Variants in ADAMTSL3 observed in about 807,000 individuals in gnomAD.
ADAMTSL3 encodes the protein ADAMTS-like protein 3.
A neutral mutation model predicts 201.7 loss-of-function variants in ADAMTSL3; 128 were observed. The ratio of observed to expected loss-of-function variants is 0.63; its 90% CI spans 0.55 to 0.73. The LOEUF is 0.73. Ranked by LOEUF, ADAMTSL3 falls within the 30% of genes least tolerant of loss-of-function variation. The pLI is 0.00. For synonymous variants in ADAMTSL3, 738 were observed against 748.4 expected (o/e 0.99, Z 0.23); for missense variants, 1,990 against 2,119.6 (o/e 0.94, Z 1.20).
chr15:83,799,083 G>A (rs2063478278), intron 4 of ADAMTSL3, among the ~76,000 whole-genome samples: 2 of 152,084 alleles, frequency 1.3e-5, no homozygotes, highest in Admixed American at 1.3e-4. Context: ...CCCTTGGAAT[G>A]CTTATCAGGT....
chr15:83,901,184 A>G (rs1437940761), intron 15 of ADAMTSL3, among the ~76,000 whole-genome samples: 2 of 152,108 alleles, frequency 1.3e-5, no homozygotes, highest in Admixed American at 6.5e-5. Flanking sequence ...TGTGAGGGGG[A>G]ATGGCTTCAC....
chr15:83,757,984 A>G (rs1474577278), intron 3 of ADAMTSL3, among the ~76,000 whole-genome samples: 4 of 152,180 alleles, frequency 2.6e-5, no homozygotes, highest in East Asian at 1.9e-4. Context: ...CATTGTCCAT[A>G]TCATTATCGG....
chr15:83,890,591 A>G (rs577193600), intron 11 of ADAMTSL3: 5 of 202,466 alleles, frequency 2.5e-5, no homozygotes, highest in Non-Finnish European at 3.9e-5. Flanking sequence ...TGGGTCACTC[A>G]TTATCATCTT....
chr15:83,752,876 C>T (rs2062659809), intron 3 of ADAMTSL3, among the ~76,000 whole-genome samples: 1 of 152,176 alleles, frequency 6.6e-6, no homozygotes, highest in Admixed American at 6.5e-5. Flanking sequence ...ATATGCTCGC[C>T]TTTAGGTTTG....
At chr15:83,675,379 A>C (rs907166785) in intron 2 of ADAMTSL3, among the ~76,000 whole-genome samples, 1 of 151,276 alleles carries the variant, frequency 6.6e-6, no homozygotes, top group African/African-American at 2.4e-5. Context: ...TTATATGATC[A>C]CATGATTTAT....
chr15:83,957,816 G>C (rs2066889457), intron 19 of ADAMTSL3, among the ~76,000 whole-genome samples: 1 of 152,142 alleles, frequency 6.6e-6, no homozygotes, highest in Admixed American at 6.6e-5. Flanking sequence ...ATAATTGCGT[G>C]AATCATCAAC....
chr15:83,820,240 T>C (rs1475128141), intron 6 of ADAMTSL3, among the ~76,000 whole-genome samples, 193 bp downstream of exon 6: 4 of 152,164 alleles, frequency 2.6e-5, no homozygotes, highest in African/African-American at 9.7e-5. Flanking sequence ...TGTATTTGTA[T>C]CCCAATTTTG....
At chr15:83,734,877 G>A (rs943525536) in intron 3 of ADAMTSL3, among the ~76,000 whole-genome samples, 9 of 151,974 alleles carry the variant, frequency 5.9e-5, no homozygotes, top group Non-Finnish European at 2.9e-5. Context: ...GGGAGGGCTG[G>A]GGTTCTCATG....
intron 3 of ADAMTSL3, among the ~76,000 whole-genome samples, chr15:83,759,229 ATTT>A (rs57969361): frequency 6.9e-6 from 1 of 145,774 alleles, no homozygotes. Context: ...TTTGAATGAC[ATTT>A]TTTTTTTTTT....
In ADAMTSL3 at chr15:83,860,317, A is replaced by G. The variant is rs75593938; in HGVS notation, c.802+1477A>G. 2.8e-3 allele frequency among the ~76,000 whole-genome samples: 424 copies of G among 152,352 alleles called. 3 individuals are homozygous for G. The highest frequency in any genetic ancestry group is 9.9e-3 in the African/African-American group (411 of 41,588). ...AACAAAATTTAAAATACAAAACCTT[A>G]TCAGTGAATATGGCCGATCAGAACA... is the stretch of plus-strand genomic sequence containing the variant. On this transcript the variant is annotated intron_variant, in intron 8 of 29. Transcript: ENST00000286744.
At chr15:83,675,569 T>G (rs1364631594) in intron 2 of ADAMTSL3, among the ~76,000 whole-genome samples, 8 of 151,608 alleles carry the variant, frequency 5.3e-5, no homozygotes, top group Admixed American at 5.2e-4. Context: ...TCATGAGAGA[T>G]ATTCACGTGC....
At chr15:83,781,113 T>C (rs1401633508) in intron 4 of ADAMTSL3, among the ~76,000 whole-genome samples, 1 of 152,168 alleles carries the variant, frequency 6.6e-6, no homozygotes, top group African/African-American at 2.4e-5. Context: ...AAAAACTATT[T>C]TAACATCCAT....
intron 3 of ADAMTSL3, among the ~76,000 whole-genome samples, chr15:83,744,075 C>T (rs113261930): frequency 0.061 from 9,250 of 152,180 alleles, 409 homozygotes; most frequent in Non-Finnish European, 0.09. Context: ...TGGTCTCGAT[C>T]TCCTGACCTC....
At chr15:83,907,401 TTGTTGA>T (rs2065859660) in intron 15 of ADAMTSL3, among the ~76,000 whole-genome samples, 5 of 152,168 alleles carry the variant, frequency 3.3e-5, no homozygotes, top group African/African-American at 1.2e-4. Flanking sequence ...TTTGTTGTTG[TTGTTGA>T]TGATTTTTCA....
chr15:83,972,847 G>A (rs1409639280), intron 20 of ADAMTSL3, among the ~76,000 whole-genome samples: 1 of 152,050 alleles, frequency 6.6e-6, no homozygotes, highest in African/African-American at 2.4e-5. Flanking sequence ...TGAAATGTAG[G>A]TTCTGCTTCT....
At chr15:83,817,603 A>G (rs1004286963) in intron 5 of ADAMTSL3, among the ~76,000 whole-genome samples, 2 of 152,240 alleles carry the variant, frequency 1.3e-5, no homozygotes, top group Non-Finnish European at 2.9e-5. Context: ...AATGACAAAG[A>G]GTTGATAATT....
chr15:83,859,920 T>A (rs759438647), intron 8 of ADAMTSL3, among the ~76,000 whole-genome samples: 29 of 152,074 alleles, frequency 1.9e-4, no homozygotes, highest in Non-Finnish European at 2.5e-4. Context: ...GCCAGCTCTT[T>A]GAGAGGCTGT....
intron 13 of ADAMTSL3, among the ~76,000 whole-genome samples, chr15:83,897,376 C>T (rs1166828560): frequency 2.6e-5 from 4 of 151,916 alleles, no homozygotes; most frequent in South Asian, 2.1e-4. Flanking sequence ...TTGATGGCCT[C>T]GTTATATGGT....
intron 21 of ADAMTSL3, among the ~76,000 whole-genome samples, chr15:83,985,989 A>G (rs2067467934): frequency 6.6e-6 from 1 of 152,006 alleles, no homozygotes; most frequent in Non-Finnish European, 1.5e-5. Flanking sequence ...AAAACATAGT[A>G]GTCAAGAATA....
Sources: gnomAD v4.1 joint callset for allele counts (sites outside exome capture counted in the v4.1 genomes callset) on GRCh38, gnomAD v4.1.1 for gene constraint, MANE v1.5 for transcripts, NCBI Gene and HGNC (gene_info 2026-07-23, HGNC 2026-07-21) for gene names.